Variants in PDE1A observed in about 807,000 individuals in gnomAD.
The protein encoded by PDE1A is phosphodiesterase 1A.
In PDE1A, 35 loss-of-function variants were observed where a neutral mutation model predicts 61.7. The observed-to-expected ratio is 0.57, with a 90% CI of 0.43 to 0.75. The LOEUF is 0.75. PDE1A is among the 30% of genes least tolerant of loss of function. The pLI is 0.00. For synonymous variants in PDE1A, 232 were observed against 213.2 expected, an observed-to-expected ratio of 1.09 and a Z score of -0.77; for missense variants, 597 against 630.6, an observed-to-expected ratio of 0.95 and a Z score of 0.57.
the PDE1A span, among the ~76,000 whole-genome samples, chr2:182,596,532 T>C: frequency 1.3e-5 from 2 of 152,222 alleles, no homozygotes; most frequent in African/African-American, 2.4e-5. Context: ...AATAATTGGT[T>C]TATACTTTAA....
At chr2:182,188,156 G>C (rs941272437) in intron 11 of PDE1A, among the ~76,000 whole-genome samples, 5 of 152,132 alleles carry the variant, frequency 3.3e-5, no homozygotes, top group Admixed American at 6.5e-5. Flanking sequence ...TCCATTCTTA[G>C]CTTGCCACAT....
chr2:182,427,303 T>G (rs1242342745), upstream of PDE1A, among the ~76,000 whole-genome samples: 2 of 152,192 alleles, frequency 1.3e-5, no homozygotes, highest in Non-Finnish European at 2.9e-5. Context: ...TTAGCACTTA[T>G]AATCTAATAA....
At chr2:182,614,782 C>G in the PDE1A span, among the ~76,000 whole-genome samples, 1 of 152,162 alleles carries the variant, frequency 6.6e-6, no homozygotes, top group Non-Finnish European at 1.5e-5. Flanking sequence ...GTCTTGAACT[C>G]CTAACATCAG....
chr2:182,249,559 G>A (rs572159854), intron 2 of PDE1A, among the ~76,000 whole-genome samples: 2 of 152,196 alleles, frequency 1.3e-5, no homozygotes, highest in Non-Finnish European at 1.5e-5. Flanking sequence ...CATATGTTGC[G>A]AATATCTTCC....
chr2:182,167,768 T>C (rs6721984), downstream of PDE1A: 73,009 of 381,400 alleles, frequency 0.19, 7,282 homozygotes, highest in East Asian at 0.33. Context: ...CACTATAATA[T>C]AAACATGTTT....
intron 2 of PDE1A, among the ~76,000 whole-genome samples, chr2:182,244,235 C>T (rs13383296): frequency 0.045 from 6,817 of 152,194 alleles, 474 homozygotes; most frequent in African/African-American, 0.15. Flanking sequence ...TGGTTCTCTT[C>T]TTCAGGGAAA....
At chr2:182,294,644 G>A (rs533351127) in intron 1 of PDE1A, among the ~76,000 whole-genome samples, 9 of 152,172 alleles carry the variant, frequency 5.9e-5, no homozygotes, top group Admixed American at 4.6e-4. Context: ...TCAGCTAATC[G>A]GGCAAAAGGT....
chr2:182,190,645 A>G (rs1261493544), intron 10 of PDE1A, among the ~76,000 whole-genome samples: 2 of 152,152 alleles, frequency 1.3e-5, no homozygotes, highest in Non-Finnish European at 2.9e-5. Context: ...CTTAGTAGTC[A>G]TTAAGTTTAG....
chr2:182,460,030 T>C (rs1269243402), intron 2 of PDE1A, among the ~76,000 whole-genome samples: 1 of 152,114 alleles, frequency 6.6e-6, no homozygotes, highest in African/African-American at 2.4e-5. Context: ...TGTTCTTCCT[T>C]CTTCCTCACT....
chr2:182,360,536 T>G (rs899994649), intron 1 of PDE1A, among the ~76,000 whole-genome samples: 7 of 151,592 alleles, frequency 4.6e-5, no homozygotes, highest in Non-Finnish European at 1.0e-4. Flanking sequence ...AGTGTTTTTT[T>G]TTTTTTTTTT....
rs373237363 is a variant in PDE1A, at chr2:182,154,603, TCTC to T, written c.1517-7454_1517-7452del. ...ATCTGATGGTTTAATAAATGGGAGG[TCTC>T]CTGCTTCTTGCCTCTCTTGCCTGCC... On this transcript the variant is annotated intron_variant, in intron 13 of 13. Transcript: ENST00000409365. 1.4e-4 allele frequency among the ~76,000 whole-genome samples: 22 copies of T among 152,126 alleles called. No homozygotes were observed. In the South Asian group the frequency reaches 4.6e-3, roughly 32 times the overall value.
chr2:182,220,435 A>G (rs771398544), intron 7 of PDE1A, among the ~76,000 whole-genome samples: 1 of 152,090 alleles, frequency 6.6e-6, no homozygotes, highest in Non-Finnish European at 1.5e-5. Context: ...TCTTTCAGAA[A>G]CAAGCTAAAA....
intron 13 of PDE1A, among the ~76,000 whole-genome samples, chr2:182,154,557 G>A (rs1034622954): frequency 1.3e-5 from 2 of 152,086 alleles, no homozygotes; most frequent in Admixed American, 6.6e-5. Flanking sequence ...TGTTCTCACG[G>A]TAGTGAATAA....
intron 1 of PDE1A, among the ~76,000 whole-genome samples, chr2:182,404,165 C>A (rs149963295): frequency 1.5e-3 from 233 of 152,218 alleles, no homozygotes; most frequent in African/African-American, 5.2e-3. Context: ...GAAAATTCAT[C>A]CAAGTCTCAA....
intron 2 of PDE1A, among the ~76,000 whole-genome samples, chr2:182,479,557 A>T (rs1347468101): frequency 6.6e-6 from 1 of 151,800 alleles, no homozygotes; most frequent in Non-Finnish European, 1.5e-5. Flanking sequence ...GAAGGAAGAC[A>T]GCCAGACTTA....
chr2:182,388,400 C>T (rs1217520458), intron 1 of PDE1A, among the ~76,000 whole-genome samples: 1 of 152,168 alleles, frequency 6.6e-6, no homozygotes, highest in East Asian at 1.9e-4. Flanking sequence ...ACAAAACATT[C>T]TCCAGGACTG....
At chr2:182,247,176 G>A (rs1691036121) in intron 2 of PDE1A, among the ~76,000 whole-genome samples, 1 of 151,470 alleles carries the variant, frequency 6.6e-6, no homozygotes, top group African/African-American at 2.4e-5. Context: ...GAAACAAATT[G>A]TGGGGAAACA....
At chr2:182,203,329 C>A (rs1033325962) in intron 8 of PDE1A, among the ~76,000 whole-genome samples, 38 of 151,358 alleles carry the variant, frequency 2.5e-4, no homozygotes, top group African/African-American at 9.0e-4. Flanking sequence ...GAAAAAAAAA[C>A]AAAACAAAAC....
the PDE1A span, among the ~76,000 whole-genome samples, chr2:182,690,872 T>C: frequency 6.6e-6 from 1 of 152,146 alleles, no homozygotes; most frequent in Non-Finnish European, 1.5e-5. Flanking sequence ...ACAAGCATTC[T>C]TATACACCAA....
Sources: allele counts gnomAD v4.1 joint callset (sites outside exome capture counted in the v4.1 genomes callset), GRCh38; gene constraint gnomAD v4.1.1; transcripts MANE v1.5; gene names NCBI Gene and HGNC (gene_info 2026-07-23, HGNC 2026-07-21).